NLGN1: variants seen among roughly 807,000 people sequenced by gnomAD.
NLGN1 encodes the protein neuroligin 1.
NLGN1 carries 12 observed loss-of-function variants against 65.5 expected under a neutral mutation model. The observed-to-expected ratio is 0.18, with a 90% CI of 0.12 to 0.30. NLGN1 has a LOEUF of 0.30. NLGN1 is among the 10% of genes least tolerant of loss of function. NLGN1 has a pLI of 1.00. For missense variants in NLGN1, 750 were observed against 1,007.1 expected (o/e 0.74, Z 3.46); for synonymous variants, 350 against 359.5 (o/e 0.97, Z 0.30).
At chr3:173,461,367 T>A (rs1398865806) in intron 2 of NLGN1, among the ~76,000 whole-genome samples, 1 of 152,144 alleles carries the variant, frequency 6.6e-6, no homozygotes, top group Non-Finnish European at 1.5e-5. Flanking sequence ...TTTTATTTTT[T>A]TTTTGTTCTT....
At chr3:173,650,103 C>T (rs35048933) in intron 3 of NLGN1, among the ~76,000 whole-genome samples, 194 of 151,910 alleles carry the variant, frequency 1.3e-3, no homozygotes, top group Non-Finnish European at 2.0e-3. Flanking sequence ...TAGTGGCATA[C>T]TGTGCAATAT....
intron 4 of NLGN1, among the ~76,000 whole-genome samples, chr3:173,965,128 C>A (rs1364461152): frequency 6.6e-6 from 1 of 151,904 alleles, no homozygotes; most frequent in African/African-American, 2.4e-5. Flanking sequence ...TTCACTGTAT[C>A]CTTTCCTACC....
chr3:173,859,769 A>C (rs1728703297), intron 4 of NLGN1, among the ~76,000 whole-genome samples: 1 of 152,040 alleles, frequency 6.6e-6, no homozygotes, highest in Admixed American at 6.6e-5. Context: ...ATTTGAAATT[A>C]TTATTCAAGA....
intron 2 of NLGN1, among the ~76,000 whole-genome samples, chr3:173,584,247 A>G (rs1157640938): frequency 6.6e-6 from 1 of 150,804 alleles, no homozygotes; most frequent in African/African-American, 2.4e-5. Context: ...GCAGAAAGAA[A>G]AAAAAAAAAA....
chr3:173,760,443 G>C (rs1565196), intron 3 of NLGN1, among the ~76,000 whole-genome samples: 4 of 151,410 alleles, frequency 2.6e-5, no homozygotes, highest in Non-Finnish European at 5.9e-5. Context: ...CTGAAGTGAA[G>C]GTGATTCTGT....
chr3:174,067,003 GC>G (rs1427708522), intron 4 of NLGN1, among the ~76,000 whole-genome samples: 1 of 152,034 alleles, frequency 6.6e-6, no homozygotes, highest in Non-Finnish European at 1.5e-5. Context: ...AATTTCAAAT[GC>G]TTTTGCTTCT....
At position 174,279,699 on chromosome 3, in the gene NLGN1, ACC is replaced by A; in HGVS notation, c.1649+50_1649+51del. 8.6e-7 allele frequency: 1 copy of A among 1,159,972 alleles called. No homozygotes were observed. Among genetic ancestry groups the A allele is most frequent in the Non-Finnish European group, 1.2e-6 (1 of 818,902 alleles). 71.9% of individuals were successfully genotyped at this position (1,159,972 alleles called of 1,614,324 possible). ...TATTTTTAATAAAAATGTTATTTTA[ACC>A]ATTTTAAAATAATAGATATTTATGC... On this transcript the variant is annotated intron_variant, in intron 6 of 6. Coordinates refer to ENST00000457714, the Ensembl canonical transcript of NLGN1. This position sits in a 1 kb window ranked among gnomAD's most constrained non-coding sequence, Gnocchi z 4.7.
chr3:173,582,779 T>C (rs1289853874), intron 2 of NLGN1, among the ~76,000 whole-genome samples: 1 of 152,156 alleles, frequency 6.6e-6, no homozygotes, highest in African/African-American at 2.4e-5. Flanking sequence ...AAATTTAATA[T>C]TATTTCTTTA....
At chr3:173,733,654 A>G (rs760629292) in intron 3 of NLGN1, among the ~76,000 whole-genome samples, 2 of 152,060 alleles carry the variant, frequency 1.3e-5, no homozygotes, top group Non-Finnish European at 1.5e-5. Context: ...TGTTTATGAC[A>G]CCACTTTTCA....
chr3:173,466,805 A>G (rs910356339), intron 2 of NLGN1, among the ~76,000 whole-genome samples: 1 of 152,190 alleles, frequency 6.6e-6, no homozygotes, highest in Non-Finnish European at 1.5e-5. Context: ...GAAATGCTGT[A>G]ATACACCTCA....
At chr3:173,811,780 A>T (rs1225459604) in intron 4 of NLGN1, among the ~76,000 whole-genome samples, 2 of 152,130 alleles carry the variant, frequency 1.3e-5, no homozygotes, top group Non-Finnish European at 2.9e-5. Context: ...TCCACAAAAC[A>T]TTTTTTAAAA....
At chr3:173,721,188 G>GAA (rs1466834512) in intron 3 of NLGN1, among the ~76,000 whole-genome samples, 2 of 152,212 alleles carry the variant, frequency 1.3e-5, no homozygotes, top group Non-Finnish European at 2.9e-5. Flanking sequence ...TTAGGAGAAA[G>GAA]AAAAATGATA....
chr3:174,036,720 C>A (rs1195169025), intron 4 of NLGN1, among the ~76,000 whole-genome samples: 6 of 151,820 alleles, frequency 4.0e-5, no homozygotes, highest in African/African-American at 1.2e-4. Flanking sequence ...GCCTAGTCCC[C>A]ATTAGTTATT....
intron 4 of NLGN1, among the ~76,000 whole-genome samples, chr3:174,238,307 TTC>T (rs1742121816): frequency 1.5e-5 from 2 of 129,128 alleles, no homozygotes; most frequent in Non-Finnish European, 3.3e-5. Context: ...AATCTCTACT[TTC>T]TGTTTTTTCT....
chr3:174,034,080 T>C (rs549769918), intron 4 of NLGN1, among the ~76,000 whole-genome samples: 26 of 152,184 alleles, frequency 1.7e-4, no homozygotes, highest in Admixed American at 1.0e-3. Flanking sequence ...AGAAACACTT[T>C]ATGTATAGAG....
At chr3:173,889,006 G>C (rs1352354108) in intron 4 of NLGN1, among the ~76,000 whole-genome samples, 2 of 152,068 alleles carry the variant, frequency 1.3e-5, no homozygotes, top group Admixed American at 6.6e-5. Context: ...AGCTATACAA[G>C]TTTTTTGTTT....
intron 1 of NLGN1, among the ~76,000 whole-genome samples, chr3:173,422,401 C>T (rs78726505): frequency 0.041 from 6,254 of 152,242 alleles, 422 homozygotes; most frequent in African/African-American, 0.14. Flanking sequence ...GCAATCCTGA[C>T]TCCATACCTT....
At chr3:173,412,753 A>G (rs917232187) in intron 1 of NLGN1, among the ~76,000 whole-genome samples, 2 of 152,204 alleles carry the variant, frequency 1.3e-5, no homozygotes, top group Non-Finnish European at 2.9e-5. Context: ...AGTACTGCTC[A>G]GCCTTCCTCC....
intron 2 of NLGN1, among the ~76,000 whole-genome samples, chr3:173,475,845 A>G (rs1189253237): frequency 6.6e-6 from 1 of 152,214 alleles, no homozygotes; most frequent in Non-Finnish European, 1.5e-5. Context: ...AAAGAGAACA[A>G]CTGCAAGATG....
Sources: allele counts gnomAD v4.1 joint callset (sites outside exome capture counted in the v4.1 genomes callset), GRCh38; gene constraint gnomAD v4.1.1; non-coding constraint Gnocchi (gnomAD v3.1); transcripts MANE v1.5; gene names NCBI Gene and HGNC (gene_info 2026-07-23, HGNC 2026-07-21).